The following ETHE1 variants were observed in gnomAD, a reference collection of about 807,000 sequenced individuals.
The protein encoded by ETHE1 is ETHE1 persulfide dioxygenase, also known as persulfide dioxygenase ETHE1, mitochondrial.
A neutral mutation model predicts 25.7 loss-of-function variants in ETHE1; 16 were observed. That is an observed-to-expected ratio of 0.62 (90% CI 0.42 to 0.95). The LOEUF is 0.95. ETHE1 is among the 40% of genes least tolerant of loss of function. ETHE1 has a pLI of 0.00. For synonymous variants in ETHE1, 139 were observed against 135.9 expected (o/e 1.02, Z -0.16); for missense variants, 300 against 333.6 (o/e 0.90, Z 0.79).
intron 3 of ETHE1, among the ~76,000 whole-genome samples, chr19:43,513,481 T>G (rs1971959766): frequency 6.6e-6 from 1 of 152,212 alleles, no homozygotes. Flanking sequence ...TGACCTGGAT[T>G]TGAGACATGG....
At chr19:43,526,431 A>C (rs1458165351) in intron 2 of ETHE1, 82 bp from the exon 3 acceptor site, 1 of 1,603,848 alleles carries the variant, frequency 6.2e-7, no homozygotes. Flanking sequence ...CCTCAGACTC[A>C]GGAGTTCTGG....
chr19:43,526,789 A>G, intron 1 of ETHE1, 130 bp from the exon 2 acceptor site: 1 of 1,530,954 alleles, frequency 6.5e-7, no homozygotes, highest in Non-Finnish European at 8.8e-7. Flanking sequence ...TTTCCCCGGG[A>G]GTCGGGAGTC....
intron 3 of ETHE1, among the ~76,000 whole-genome samples, chr19:43,521,782 A>G (rs546333683): frequency 6.6e-6 from 1 of 152,322 alleles, no homozygotes; most frequent in African/African-American, 2.4e-5. Context: ...AGTTTCTATG[A>G]AAATTAAACA....
chr19:43,523,704 G>A (rs1332475955), intron 3 of ETHE1, among the ~76,000 whole-genome samples: 1 of 152,134 alleles, frequency 6.6e-6, no homozygotes, highest in African/African-American at 2.4e-5. Flanking sequence ...GGGAGGTCAA[G>A]GTGTGCAGAT....
chr19:43,506,781 G>A lies in ETHE1; in HGVS notation c.*69C>T. 7.1e-7 allele frequency: 1 copy of A among 1,402,266 alleles called. No homozygotes were observed. Among genetic ancestry groups the A allele is most frequent in the Middle Eastern group, 2.3e-4 (1 of 4,258 alleles). The allele number at this position is 1,402,266 out of a possible 1,614,324, so 86.9% of individuals were successfully genotyped here. A position where few individuals can be genotyped will look rare whatever the true frequency, so the allele number is the denominator to read the frequency against. ...AATGCGGTGGGAAAGGAGAGGTGCAGTGTCATTGCCGCCCTCTCCTCCCAC... is the reference window on the plus strand; with the variant it reads ...AATGCGGTGGGAAAGGAGAGGTGCAATGTCATTGCCGCCCTCTCCTCCCAC... On this transcript the variant is annotated 3_prime_UTR_variant, in exon 7 of 7. Transcript: ENST00000292147.
At chr19:43,521,065 GC>G (rs1384086553) in intron 3 of ETHE1, among the ~76,000 whole-genome samples, 1 of 152,136 alleles carries the variant, frequency 6.6e-6, no homozygotes, top group African/African-American at 2.4e-5. Context: ...AGGTGCGGTG[GC>G]TCACTCCTGT....
intron 3 of ETHE1, among the ~76,000 whole-genome samples, chr19:43,515,911 G>A (rs1356270345): frequency 6.6e-6 from 1 of 151,986 alleles, no homozygotes; most frequent in Non-Finnish European, 1.5e-5. Flanking sequence ...AATCAAGAAG[G>A]CTACTAAGTG....
chr19:43,508,346 CTTTTT>C (rs397933393), intron 5 of ETHE1, among the ~76,000 whole-genome samples: 1 of 124,708 alleles, frequency 8.0e-6, no homozygotes, highest in Non-Finnish European at 1.6e-5. Flanking sequence ...CACTTTATCT[CTTTTT>C]TTTTTTTTTT....
chr19:43,517,668 C>T (rs1229801579), intron 3 of ETHE1, among the ~76,000 whole-genome samples: 3 of 151,354 alleles, frequency 2.0e-5, no homozygotes, highest in East Asian at 3.9e-4. Context: ...CCCAGCTACT[C>T]GGGAGGCTGA....
intron 3 of ETHE1, among the ~76,000 whole-genome samples, chr19:43,520,886 A>G (rs1307971615): frequency 6.6e-6 from 1 of 152,118 alleles, no homozygotes; most frequent in Non-Finnish European, 1.5e-5. Flanking sequence ...CACCCAGAAC[A>G]ATTAAATCAG....
chr19:43,514,682 C>T lies in ETHE1; in HGVS notation c.376-3116G>A, dbSNP rs185206228. Among the ~76,000 whole-genome samples the T allele has an allele frequency of 4.5e-3, 689 of 152,076 alleles. 8 individuals are homozygous for T. The highest frequency in any genetic ancestry group is 0.015 in the African/African-American group (631 of 41,456). On this transcript the variant is annotated intron_variant, in intron 3 of 6. Coordinates refer to ENST00000292147, the MANE Select transcript of ETHE1 (RefSeq NM_014297.5). ...TATATTTTTAGTAGAGATGGGGATT[C>T]ACCATGTTGGTCAGGCTGGTCTCAA... is the stretch of plus-strand genomic sequence containing the variant.
At chr19:43,515,159 G>A (rs1315642696) in intron 3 of ETHE1, among the ~76,000 whole-genome samples, 2 of 152,086 alleles carry the variant, frequency 1.3e-5, no homozygotes, top group Non-Finnish European at 2.9e-5. Context: ...GCTCATACCT[G>A]TAATCCCAGC....
At position 43,526,331 on chromosome 19, in the gene ETHE1, G is replaced by T. The variant is rs748794074; in HGVS notation, c.245C>A (p.Ala82Glu). 3 of 1,614,170 alleles carry T rather than the reference G, an allele frequency of 1.9e-6. No individual in the cohort carries two copies. The highest frequency in any genetic ancestry group is 2.7e-5 in the African/African-American group (2 of 75,050). The change falls in exon 3 of 7, where the codon GCG (alanine) becomes GAG (glutamate). Residue 82 changes from alanine (A) to glutamate (E), a missense_variant. Ala to Glu is a moderately radical substitution (Grantham distance 107, BLOSUM62 -1). Transcript: ENST00000292147. The stretch of plus-strand genomic sequence containing the variant: ...CAGCCCCGAGCCTGTAATGTGGTCC[G>T]CGTGGCAGTGGGTATTCACTGGGAG... ...LLYAVNTHCH[A>E]DHITGSGLLR...
chr19:43,526,753 C>G (rs1972258886), intron 1 of ETHE1, 94 bp from the exon 2 acceptor site: 5 of 1,590,644 alleles, frequency 3.1e-6, no homozygotes, highest in Middle Eastern at 2.3e-4. Flanking sequence ...TTCCTAAGAT[C>G]CAGAAGCAGA....
intron 6 of ETHE1, 55 bp from the exon 7 acceptor site, chr19:43,506,957 C>T (rs1971783645): frequency 1.9e-6 from 3 of 1,565,276 alleles, no homozygotes; most frequent in Non-Finnish European, 2.6e-6. Flanking sequence ...GTTCCAGGCC[C>T]CACTGGAGAC....
chr19:43,514,491 T>TTTC (rs1490149332), intron 3 of ETHE1, among the ~76,000 whole-genome samples: 1 of 147,732 alleles, frequency 6.8e-6, no homozygotes, highest in Non-Finnish European at 1.5e-5. Context: ...ATGTCTTTTT[T>TTTC]TTTTTTTTTT....
chr19:43,510,261 C>A (rs951530812), intron 4 of ETHE1, among the ~76,000 whole-genome samples: 2 of 152,106 alleles, frequency 1.3e-5, no homozygotes, highest in Non-Finnish European at 2.9e-5. Flanking sequence ...CTGCCCCTAG[C>A]AGCTAGACTC....
intron 3 of ETHE1, among the ~76,000 whole-genome samples, chr19:43,522,467 TTTTTA>T (rs1467011448): frequency 2.6e-5 from 4 of 152,168 alleles, no homozygotes; most frequent in Non-Finnish European, 4.4e-5. Flanking sequence ...CAAATTTTAT[TTTTTA>T]TTTTATTTAT....
chr19:43,513,710 T>C (rs1015349486), intron 3 of ETHE1, among the ~76,000 whole-genome samples: 76 of 150,878 alleles, frequency 5.0e-4, no homozygotes, highest in Admixed American at 6.0e-4. Context: ...GATGAGACTT[T>C]ATTTTGTTGT....
Sources: allele counts gnomAD v4.1 joint callset (sites outside exome capture counted in the v4.1 genomes callset), GRCh38; gene constraint gnomAD v4.1.1; transcripts MANE v1.5; gene names NCBI Gene and HGNC (gene_info 2026-07-23, HGNC 2026-07-21).